The following CPA6 variants were observed in gnomAD, a reference collection of about 807,000 sequenced individuals.
CPA6 encodes the protein carboxypeptidase A6.
Under a neutral mutation model 63.3 loss-of-function variants are expected in CPA6, and 58 were observed. That is an observed-to-expected ratio of 0.92 (90% CI 0.74 to 1.14). CPA6 has a LOEUF of 1.14. CPA6 is among the 50% of genes most tolerant of loss of function. The probability of loss-of-function intolerance (pLI) is 0.00; values close to 1 mark genes in which losing one functional copy is unlikely to be tolerated. For synonymous variants in CPA6, 185 were observed against 179.0 expected (o/e 1.03, Z -0.27); for missense variants, 565 against 526.6 (o/e 1.07, Z -0.71).
chr8:67,491,894 T>C (rs1811613990), intron 6 of CPA6, among the ~76,000 whole-genome samples: 1 of 152,206 alleles, frequency 6.6e-6, no homozygotes, highest in African/African-American at 2.4e-5. Flanking sequence ...CTACTATTTC[T>C]TTAAAAGTCT....
chr8:67,590,046 C>G (rs56754547), intron 2 of CPA6, among the ~76,000 whole-genome samples: 8 of 151,514 alleles, frequency 5.3e-5, no homozygotes, highest in South Asian at 2.1e-4. Context: ...CCACTCCCCC[C>G]ACCCCACAAC....
intron 2 of CPA6, among the ~76,000 whole-genome samples, chr8:67,584,158 A>C (rs1389403061): frequency 6.6e-6 from 1 of 152,194 alleles, no homozygotes; most frequent in Non-Finnish European, 1.5e-5. Context: ...ACTCCGTCTC[A>C]AAACAAAAAG....
chr8:67,625,324 G>A (rs1815172203), intron 1 of CPA6, among the ~76,000 whole-genome samples: 2 of 152,250 alleles, frequency 1.3e-5, no homozygotes, highest in Admixed American at 6.5e-5. Context: ...CAACCACAAA[G>A]GTTTTACCAC....
rs906610832 is a variant in CPA6 at position 67,573,112 on chromosome 8, A to G, written c.192+51064T>C. Reference sequence around the variant, plus strand: ...ACCACTCAACAAATTAGGTATAGATAAAATGTATATAAACACAATAAAAGC... The same window carrying G: ...ACCACTCAACAAATTAGGTATAGATGAAATGTATATAAACACAATAAAAGC... On this transcript the variant is annotated intron_variant, in intron 2 of 10. Transcript: ENST00000297770. Among the ~76,000 whole-genome samples the G allele has an allele frequency of 3.3e-5, 5 of 152,250 alleles. 1 individual carries two copies. The highest frequency in any genetic ancestry group is 6.5e-5 in the Admixed American group (1 of 15,290).
chr8:67,588,093 C>T (rs1235179000), intron 2 of CPA6, among the ~76,000 whole-genome samples: 1 of 152,102 alleles, frequency 6.6e-6, no homozygotes, highest in Non-Finnish European at 1.5e-5. Context: ...AGGGGGATTG[C>T]TATTCCTAGA....
chr8:67,466,923 A>G (rs1355447931), intron 8 of CPA6, among the ~76,000 whole-genome samples: 1 of 152,204 alleles, frequency 6.6e-6, no homozygotes, highest in Non-Finnish European at 1.5e-5. Flanking sequence ...ATCATTACGT[A>G]TTTTACAGAA....
At chr8:67,674,391 T>C (rs1816422152) in intron 1 of CPA6, among the ~76,000 whole-genome samples, 3 of 152,232 alleles carry the variant, frequency 2.0e-5, no homozygotes, top group Admixed American at 2.0e-4. Context: ...GGACCACAAC[T>C]GAAAAACTAC....
At chr8:67,478,263 G>T (rs981536249) in intron 8 of CPA6, among the ~76,000 whole-genome samples, 5 of 152,192 alleles carry the variant, frequency 3.3e-5, no homozygotes, top group Admixed American at 2.0e-4. Flanking sequence ...GAAAGGGCAC[G>T]GAGCTTTCAT....
intron 6 of CPA6, among the ~76,000 whole-genome samples, chr8:67,499,641 T>C (rs1024194359): frequency 2.6e-5 from 4 of 152,184 alleles, no homozygotes; most frequent in African/African-American, 9.7e-5. Context: ...CCACATCCAC[T>C]TTCCTTCCAA....
chr8:67,434,752 C>T (rs113377984), intron 8 of CPA6, among the ~76,000 whole-genome samples: 3,187 of 152,300 alleles, frequency 0.021, 110 homozygotes, highest in African/African-American at 0.072. Context: ...GTCCTCACTG[C>T]CCAGACCAAC....
rs1297043940 is a variant in CPA6 at position 67,506,902 on chromosome 8, C to T, written c.535-14G>A. ...TCGTCTGCCCAGCTGAAAACAAGAG[C>T]ATTCACAGTAACCAACTCAGGCTTT... On this transcript the variant is annotated splice_polypyrimidine_tract_variant and intron_variant, in intron 5 of 10. Transcript: ENST00000297770. The T allele has an allele frequency of 6.3e-7, 1 of 1,585,526 alleles. No individual in the cohort carries two copies. The highest frequency in any genetic ancestry group is 1.7e-5 in the Admixed American group (1 of 59,892).
At chr8:67,736,213 C>T (rs1817809400) in intron 1 of CPA6, among the ~76,000 whole-genome samples, 1 of 152,142 alleles carries the variant, frequency 6.6e-6, no homozygotes, top group South Asian at 2.1e-4. Context: ...TTATTTCTAC[C>T]ACCTGGTGTA....
At chr8:67,716,563 G>A (rs1817386580) in intron 1 of CPA6, among the ~76,000 whole-genome samples, 1 of 152,182 alleles carries the variant, frequency 6.6e-6, no homozygotes, top group Non-Finnish European at 1.5e-5. Context: ...ATAGGGCAGA[G>A]GAAGCAATCA....
chr8:67,533,551 A>G (rs1248174627), intron 2 of CPA6, among the ~76,000 whole-genome samples: 1 of 152,224 alleles, frequency 6.6e-6, no homozygotes, highest in Non-Finnish European at 1.5e-5. Context: ...CCCAGTTGCT[A>G]TAGTATCCAC....
intron 1 of CPA6, among the ~76,000 whole-genome samples, chr8:67,653,952 GC>G (rs1205752314): frequency 4.6e-5 from 7 of 151,158 alleles, no homozygotes; most frequent in African/African-American, 1.2e-4. Flanking sequence ...TTAGCATGAA[GC>G]GTTGTTGAAT....
chr8:67,716,919 T>C (rs977546979), intron 1 of CPA6, among the ~76,000 whole-genome samples: 7 of 152,208 alleles, frequency 4.6e-5, no homozygotes, highest in Non-Finnish European at 7.3e-5. Context: ...TAATGATATA[T>C]AGTTAGCAGC....
chr8:67,546,479 T>G (rs769368769), intron 2 of CPA6, among the ~76,000 whole-genome samples: 1 of 152,246 alleles, frequency 6.6e-6, no homozygotes, highest in Non-Finnish European at 1.5e-5. Context: ...ATTTGCTGTT[T>G]CTTCCTTTTC....
intron 5 of CPA6, among the ~76,000 whole-genome samples, chr8:67,507,726 C>T (rs143480105): frequency 0.022 from 3,410 of 152,172 alleles, 56 homozygotes; most frequent in Non-Finnish European, 0.033. Flanking sequence ...CAATAAGTTA[C>T]CATGGGAACA....
At chr8:67,720,213 GA>G (rs34978928) in intron 1 of CPA6, among the ~76,000 whole-genome samples, 44,797 of 151,546 alleles carry the variant, frequency 0.3, 8,821 homozygotes, top group African/African-American at 0.56. Flanking sequence ...GATGAGCCAG[GA>G]AAAGGACTTT....
Sources: allele counts gnomAD v4.1 joint callset (sites outside exome capture counted in the v4.1 genomes callset), GRCh38; gene constraint gnomAD v4.1.1; transcripts MANE v1.5; gene names NCBI Gene and HGNC (gene_info 2026-07-23, HGNC 2026-07-21).